SLC8A1: variants seen among roughly 807,000 people sequenced by gnomAD.
SLC8A1 encodes solute carrier family 8 member A1, also known as sodium/calcium exchanger 1.
SLC8A1 carries 18 observed loss-of-function variants against 68.3 expected under a neutral mutation model. That is an observed-to-expected ratio of 0.26 (90% CI 0.18 to 0.39). The LOEUF is 0.39. Among genes scored for constraint, SLC8A1 ranks in the 10% least tolerant of loss-of-function variants. The probability of loss-of-function intolerance (pLI) is 1.00; values close to 1 mark genes in which losing one functional copy is unlikely to be tolerated. For missense variants in SLC8A1, 985 were observed against 1,156.7 expected (o/e 0.85, Z 2.15); for synonymous variants, 475 against 415.5 (o/e 1.14, Z -1.74).
At chr2:40,425,678 T>C (rs1485682912) in intron 2 of SLC8A1, among the ~76,000 whole-genome samples, 1 of 151,926 alleles carries the variant, frequency 6.6e-6, no homozygotes, top group Non-Finnish European at 1.5e-5. Context: ...TGATGAGATA[T>C]AAATTCATTC....
At chr2:40,365,374 A>G (rs1462898094) in intron 2 of SLC8A1, among the ~76,000 whole-genome samples, 1 of 152,158 alleles carries the variant, frequency 6.6e-6, no homozygotes, top group Non-Finnish European at 1.5e-5. Flanking sequence ...ACATCTAAAT[A>G]ACCTGTAGAA....
intron 1 of SLC8A1, among the ~76,000 whole-genome samples, chr2:40,477,749 A>T (rs1344616238): frequency 2.0e-5 from 3 of 152,018 alleles, no homozygotes; most frequent in African/African-American, 7.3e-5. Context: ...CGTAGTGTGT[A>T]TGTGTGTGTG....
intron 2 of SLC8A1, among the ~76,000 whole-genome samples, chr2:40,335,238 T>C (rs895248120): frequency 3.9e-5 from 6 of 152,220 alleles, no homozygotes; most frequent in African/African-American, 1.4e-4. Flanking sequence ...ATTTAAATAA[T>C]GTAAAGACAA....
At chr2:40,247,869 C>T (rs1020953447) in intron 2 of SLC8A1, among the ~76,000 whole-genome samples, 2 of 152,240 alleles carry the variant, frequency 1.3e-5, no homozygotes, top group Middle Eastern at 3.4e-3. Flanking sequence ...CAGGACTCCA[C>T]GTTCAATGCT....
At chr2:40,149,114 T>C (rs888848623) in intron 6 of SLC8A1, among the ~76,000 whole-genome samples, 1 of 152,238 alleles carries the variant, frequency 6.6e-6, no homozygotes, top group African/African-American at 2.4e-5. Flanking sequence ...GTTTGAACTC[T>C]AAAATATTTT....
rs191940648 is a variant in SLC8A1, at chr2:40,216,793, A to C, written c.1809-38938T>G. On this transcript the variant is annotated intron_variant, in intron 2 of 7. Transcript: ENST00000406785. The stretch of plus-strand genomic sequence containing the variant: ...TTTTCATATTTTTGTTGGCTGCATG[A>C]ATGTCTTCTTTAGGAAGTGTCTGTT... 2.4e-3 allele frequency among the ~76,000 whole-genome samples: 373 copies of C among 152,268 alleles called. 3 individuals are homozygous for C. The highest frequency in any genetic ancestry group is 8.4e-3 in the African/African-American group (348 of 41,538).
At chr2:40,109,285 T>G (rs2034414336) in exon 8 of SLC8A1, 1 of 152,078 alleles carries the variant, frequency 6.6e-6, no homozygotes, top group African/African-American at 2.4e-5. Context: ...TCTGTTACGT[T>G]TTTCTATGTT....
chr2:40,279,496 T>C (rs1414049135), intron 2 of SLC8A1, among the ~76,000 whole-genome samples: 2 of 152,316 alleles, frequency 1.3e-5, no homozygotes, highest in African/African-American at 2.4e-5. Flanking sequence ...TGGGGCACTG[T>C]GACATCTGAA....
chr2:40,219,757 A>G (rs956270295), intron 2 of SLC8A1, among the ~76,000 whole-genome samples: 13 of 152,222 alleles, frequency 8.5e-5, no homozygotes, highest in African/African-American at 1.9e-4. Flanking sequence ...ATAGAAAAGA[A>G]TCAAATCAGT....
chr2:40,230,024 G>A (rs1230218072), intron 2 of SLC8A1, among the ~76,000 whole-genome samples: 1 of 152,110 alleles, frequency 6.6e-6, no homozygotes. Flanking sequence ...ATTTGAAACT[G>A]TAGTCCAGAA....
At chr2:40,446,516 T>C (rs1165297619) in intron 1 of SLC8A1, 1 of 152,204 alleles carries the variant, frequency 6.6e-6, no homozygotes, top group African/African-American at 2.4e-5. Context: ...TTAAAATGCT[T>C]CCTCCTCCGT....
chr2:40,110,246 C>T (rs1001977581), exon 8 of SLC8A1: 2 of 151,964 alleles, frequency 1.3e-5, no homozygotes, highest in Non-Finnish European at 2.9e-5. Flanking sequence ...AATTAAGCTC[C>T]CAACATGAAA....
intron 2 of SLC8A1, among the ~76,000 whole-genome samples, chr2:40,191,279 C>T (rs1472257868): frequency 6.6e-6 from 1 of 152,168 alleles, no homozygotes; most frequent in African/African-American, 2.4e-5. Flanking sequence ...CCGAACTTTT[C>T]ACTATAGCAC....
intron 2 of SLC8A1, among the ~76,000 whole-genome samples, chr2:40,390,023 T>A (rs929602428): frequency 2.5e-4 from 38 of 151,998 alleles, no homozygotes; most frequent in Non-Finnish European, 2.9e-5. Flanking sequence ...AGTTCCTCAA[T>A]CTTCCTTTTT....
At chr2:40,157,901 G>A (rs1558562286) in intron 6 of SLC8A1, among the ~76,000 whole-genome samples, 1 of 152,058 alleles carries the variant, frequency 6.6e-6, no homozygotes, top group Non-Finnish European at 1.5e-5. Context: ...AAAAGAACTG[G>A]GTTGGCAGAA....
intron 2 of SLC8A1, among the ~76,000 whole-genome samples, chr2:40,400,407 A>G (rs574973119): frequency 4.6e-5 from 7 of 152,244 alleles, no homozygotes; most frequent in Non-Finnish European, 7.3e-5. Context: ...AGACTGGGCT[A>G]TCTGAGAATT....
intron 7 of SLC8A1, among the ~76,000 whole-genome samples, chr2:40,137,063 T>C (rs1347321913): frequency 6.6e-6 from 1 of 152,234 alleles, no homozygotes; most frequent in Non-Finnish European, 1.5e-5. Context: ...TGTCTCCACC[T>C]GGCTTCTGAG....
intron 2 of SLC8A1, among the ~76,000 whole-genome samples, chr2:40,352,464 T>A (rs1413833261): frequency 6.6e-6 from 1 of 152,212 alleles, no homozygotes; most frequent in African/African-American, 2.4e-5. Flanking sequence ...TTGAGTTCTC[T>A]TTCTATAATC....
intron 1 of SLC8A1, among the ~76,000 whole-genome samples, chr2:40,471,524 C>A (rs534090786): frequency 6.6e-6 from 1 of 152,254 alleles, no homozygotes; most frequent in South Asian, 2.1e-4. Flanking sequence ...ACCCCTGATC[C>A]TATGGAGTGA....
Sources: allele counts gnomAD v4.1 joint callset (sites outside exome capture counted in the v4.1 genomes callset), GRCh38; gene constraint gnomAD v4.1.1; transcripts MANE v1.5; gene names NCBI Gene and HGNC (gene_info 2026-07-23, HGNC 2026-07-21).